Variants in GALNT17 observed in about 807,000 individuals in gnomAD.
The protein encoded by GALNT17 is polypeptide N-acetylgalactosaminyltransferase 17.
GALNT17 carries 29 observed loss-of-function variants against 63.7 expected under a neutral mutation model. The observed-to-expected ratio is 0.46, with a 90% CI of 0.34 to 0.62. The LOEUF (loss-of-function observed/expected upper bound fraction) is 0.62. Ranked by LOEUF, GALNT17 falls within the 20% of genes least tolerant of loss-of-function variation. GALNT17 has a pLI of 0.01. For synonymous variants in GALNT17, 305 were observed against 318.3 expected (o/e 0.96, Z 0.45); for missense variants, 603 against 799.6 (o/e 0.75, Z 2.97).
intron 2 of GALNT17, among the ~76,000 whole-genome samples, chr7:71,346,873 T>TG (rs1436235489): frequency 2.0e-5 from 3 of 152,192 alleles, no homozygotes; most frequent in African/African-American, 4.8e-5. Context: ...GAGTAGCTAT[T>TG]GCCTGTGATG....
intron 1 of GALNT17, among the ~76,000 whole-genome samples, chr7:71,199,522 TCATCCATCCATCCATCCATCCATCCATC>T (rs34691979): frequency 7.0e-6 from 1 of 142,680 alleles, no homozygotes; most frequent in Admixed American, 7.0e-5. Context: ...CCCCATCCAT[TCATCCATCCATCCATCCATCCATCCATC>T]CATCCATCCA....
At chr7:71,637,735 T>C (rs969227460) in intron 6 of GALNT17, among the ~76,000 whole-genome samples, 2 of 152,082 alleles carry the variant, frequency 1.3e-5, no homozygotes, top group African/African-American at 4.8e-5. Context: ...GGATCTCCTG[T>C]ACGCTGTCGC....
At chr7:71,165,893 T>G (rs73700895) in intron 1 of GALNT17, among the ~76,000 whole-genome samples, 2,011 of 152,124 alleles carry the variant, frequency 0.013, 47 homozygotes, top group African/African-American at 0.046. Flanking sequence ...CCTCCCTGAC[T>G]GGGTGAGGCA....
chr7:71,499,835 C>T (rs1189118264), intron 5 of GALNT17, among the ~76,000 whole-genome samples: 5 of 152,186 alleles, frequency 3.3e-5, no homozygotes, highest in East Asian at 1.9e-4. Flanking sequence ...CCCTACATAT[C>T]CTGGGAGGGA....
intron 9 of GALNT17, among the ~76,000 whole-genome samples, chr7:71,685,036 A>G (rs1791331702): frequency 6.6e-6 from 1 of 152,018 alleles, no homozygotes; most frequent in African/African-American, 2.4e-5. Flanking sequence ...CCAGCTGTCA[A>G]ACGAATGTCC....
intron 5 of GALNT17, among the ~76,000 whole-genome samples, chr7:71,435,721 A>G (rs1203676542): frequency 2.0e-5 from 3 of 152,052 alleles, no homozygotes; most frequent in East Asian, 1.9e-4. Flanking sequence ...AAGTTGCTCT[A>G]AAAAACTCTG....
intron 2 of GALNT17, 139 bp downstream of exon 2, chr7:71,335,872 T>G: frequency 1.4e-6 from 1 of 716,708 alleles, no homozygotes; most frequent in South Asian, 5.0e-5. Context: ...ATAAATAAAC[T>G]TAGTACTCCT....
chr7:71,425,379 C>A (rs1439574334), intron 5 of GALNT17, among the ~76,000 whole-genome samples: 2 of 152,072 alleles, frequency 1.3e-5, no homozygotes, highest in South Asian at 2.1e-4. Context: ...CATGCCACCA[C>A]GCCCAGCTAA....
In GALNT17 at chr7:71,492,272, C is replaced by T. The variant is rs899764707; in HGVS notation, c.962+71167C>T. 6.6e-5 allele frequency among the ~76,000 whole-genome samples: 10 copies of T among 152,080 alleles called. No homozygotes were observed. The South Asian group carries it at 1.2e-3, about 19-fold the overall frequency. On this transcript the variant is annotated intron_variant, in intron 5 of 10. Coordinates refer to ENST00000333538, the MANE Select transcript of GALNT17 (RefSeq NM_022479.3). ...CCAGCCTGGAGACAGAGCAAGACTC[C>T]GTCTCAAAATAAATAAATAAATTAA...
At chr7:71,345,147 G>GT (rs67919212) in intron 2 of GALNT17, among the ~76,000 whole-genome samples, 9,329 of 139,288 alleles carry the variant, frequency 0.067, 936 homozygotes, top group African/African-American at 0.22. Flanking sequence ...GTTGTTTTTT[G>GT]TTTTTTTTTT....
Position 71,200,149 on chromosome 7 carries a change from G to C in GALNT17, c.238+67109G>C, listed in dbSNP as rs573903576. On this transcript the variant is annotated intron_variant, in intron 1 of 10. Coordinates refer to ENST00000333538, the MANE Select transcript of GALNT17 (RefSeq NM_022479.3). ...GGAAGCTTTTCATAGCCTCTTGGTG[G>C]TGATGACAAGAAGGTTTCCTCTGAA... Among the ~76,000 whole-genome samples the C allele has an allele frequency of 6.6e-5, 10 of 152,252 alleles. 1 individual carries two copies. Among genetic ancestry groups the C allele is most frequent in the African/African-American group, 2.4e-4 (10 of 41,552 alleles).
At chr7:71,231,739 GGAGGGAGAGGGAGAGAGAGAGA>G (rs1371205749) in intron 1 of GALNT17, among the ~76,000 whole-genome samples, 1 of 148,794 alleles carries the variant, frequency 6.7e-6, no homozygotes, top group Non-Finnish European at 1.5e-5. Flanking sequence ...AGAGAGAGAG[GGAGGGAGAGGGAGAGAGAGAGA>G]GAGGGAGAGG....
At chr7:71,315,730 G>A (rs972813095) in intron 1 of GALNT17, among the ~76,000 whole-genome samples, 2 of 152,164 alleles carry the variant, frequency 1.3e-5, no homozygotes, top group Non-Finnish European at 2.9e-5. Flanking sequence ...GCAAGAGTTG[G>A]TGGGGAAAAT....
chr7:71,658,469 G>A (rs559212260), intron 6 of GALNT17, among the ~76,000 whole-genome samples: 3 of 152,170 alleles, frequency 2.0e-5, no homozygotes, highest in African/African-American at 4.8e-5. Context: ...AGAGGCCTGG[G>A]TAGTTTAGGG....
rs1423399436 is a variant in GALNT17, at chr7:71,340,245, C to T, written c.422+4512C>T. 5.3e-5 allele frequency among the ~76,000 whole-genome samples: 8 copies of T among 152,184 alleles called. No homozygotes were observed. In the East Asian group the frequency reaches 1.5e-3, roughly 29 times the overall value. ...TCTGCACAGCCAGAGACTGCCCTTT[C>T]TCATCTGGCAGAATATGGGAGGTTT... On this transcript the variant is annotated intron_variant, in intron 2 of 10. Transcript: ENST00000333538.
At chr7:71,332,699 T>G (rs758678602) in intron 1 of GALNT17, among the ~76,000 whole-genome samples, 1 of 152,114 alleles carries the variant, frequency 6.6e-6, no homozygotes, top group East Asian at 1.9e-4. Flanking sequence ...GTTTGTTTTG[T>G]TTTTGTTTTT....
intron 1 of GALNT17, among the ~76,000 whole-genome samples, chr7:71,312,134 T>C (rs546252498): frequency 9.7e-4 from 148 of 152,330 alleles, no homozygotes; most frequent in Admixed American, 2.4e-3. Context: ...TATTAAAAAG[T>C]GGTTATAAGT....
At chr7:71,148,018 T>G (rs1211568016) in intron 1 of GALNT17, among the ~76,000 whole-genome samples, 1 of 152,222 alleles carries the variant, frequency 6.6e-6, no homozygotes, top group Non-Finnish European at 1.5e-5. Flanking sequence ...TCTCACCTCT[T>G]ATGGTACTTT....
intron 6 of GALNT17, among the ~76,000 whole-genome samples, chr7:71,610,369 G>C (rs1178184533): frequency 2.0e-5 from 3 of 151,988 alleles, no homozygotes; most frequent in Non-Finnish European, 4.4e-5. Context: ...GTAGTCTCAG[G>C]ACTAGCTACT....
Sources: allele counts gnomAD v4.1 joint callset (sites outside exome capture counted in the v4.1 genomes callset), GRCh38; gene constraint gnomAD v4.1.1; transcripts MANE v1.5; gene names NCBI Gene and HGNC (gene_info 2026-07-23, HGNC 2026-07-21).